Variants in PLCH1 observed in about 807,000 individuals in gnomAD.
The protein encoded by PLCH1 is phospholipase C eta 1.
PLCH1 carries 60 observed loss-of-function variants against 126.7 expected under a neutral mutation model. The ratio of observed to expected loss-of-function variants is 0.47; its 90% CI spans 0.38 to 0.59. The LOEUF (loss-of-function observed/expected upper bound fraction) is 0.59. Among genes scored for constraint, PLCH1 ranks in the 20% least tolerant of loss-of-function variants. The probability of loss-of-function intolerance (pLI) is 0.00; values close to 1 mark genes in which losing one functional copy is unlikely to be tolerated. For missense variants in PLCH1, 1,723 were observed against 2,040.0 expected, an observed-to-expected ratio of 0.84 and a Z score of 2.99; for synonymous variants, 719 against 734.9, an observed-to-expected ratio of 0.98 and a Z score of 0.35.
At chr3:155,695,388 A>T (rs394419) in intron 2 of PLCH1, among the ~76,000 whole-genome samples, 60,627 of 152,004 alleles carry the variant, frequency 0.4, 12,851 homozygotes, top group African/African-American at 0.53. Flanking sequence ...GGGTTTCCTA[A>T]GGCAAAATTC....
At chr3:155,601,563 C>T (rs1296218174) in intron 2 of PLCH1, among the ~76,000 whole-genome samples, 3 of 151,886 alleles carry the variant, frequency 2.0e-5, no homozygotes, top group South Asian at 4.2e-4. Context: ...TACTATATAT[C>T]ATTTGGAGGA....
chr3:155,520,915 C>T (rs1465407880), intron 11 of PLCH1, among the ~76,000 whole-genome samples: 4 of 152,268 alleles, frequency 2.6e-5, no homozygotes, highest in South Asian at 2.1e-4. Flanking sequence ...TGGCTTAAAC[C>T]GCTAGCTTAA....
intron 10 of PLCH1, among the ~76,000 whole-genome samples, chr3:155,537,207 A>AAAC (rs1723524213): frequency 1.7e-4 from 1 of 5,890 alleles, no homozygotes; most frequent in East Asian, 1.2e-3. Context: ...AAAACCAAAA[A>AAAC]AAAAAAAAAA....
intron 4 of PLCH1, among the ~76,000 whole-genome samples, chr3:155,586,477 C>T (rs1326142469): frequency 6.6e-6 from 1 of 152,096 alleles, no homozygotes; most frequent in Non-Finnish European, 1.5e-5. Context: ...GAGGCTGAGG[C>T]AGGTGGATCA....
Position 155,627,630 on chromosome 3 carries a change from C to T in PLCH1, c.80-31252G>A, listed in dbSNP as rs575508926. On this transcript the variant is annotated intron_variant, in intron 2 of 22. Transcript: ENST00000460012. ...GATTGGACGACAGAGCAAGACTCCA[C>T]CTCAAAAAAAAAAAAACAAATTGAA... Among the ~76,000 whole-genome samples, 1,153 of 131,118 alleles carry T rather than the reference C, an allele frequency of 8.8e-3. 10 individuals carry two copies. Among genetic ancestry groups the T allele is most frequent in the Non-Finnish European group, 0.01 (646 of 63,644 alleles). 86.0% of individuals were successfully genotyped at this position (131,118 alleles called of 152,430 possible).
intron 1 of PLCH1, among the ~76,000 whole-genome samples, chr3:155,717,693 G>A (rs932127138): frequency 6.6e-6 from 1 of 152,218 alleles, no homozygotes; most frequent in African/African-American, 2.4e-5. Context: ...GCAGGGCCCT[G>A]GACCTGGCCC....
chr3:155,460,091 G>A (rs550452362), intron 21 of PLCH1, among the ~76,000 whole-genome samples: 11 of 152,260 alleles, frequency 7.2e-5, no homozygotes, highest in African/African-American at 2.6e-4. Flanking sequence ...CCAGCGTTTT[G>A]ATTTGTACAA....
intron 21 of PLCH1, among the ~76,000 whole-genome samples, chr3:155,468,785 A>G (rs547816750): frequency 5.3e-5 from 8 of 152,224 alleles, no homozygotes; most frequent in Non-Finnish European, 1.2e-4. Flanking sequence ...ATGTTATTAG[A>G]GGTAAAGAGA....
chr3:155,461,712 C>A (rs914501548), intron 21 of PLCH1, among the ~76,000 whole-genome samples: 3 of 152,230 alleles, frequency 2.0e-5, no homozygotes, highest in Non-Finnish European at 4.4e-5. Context: ...AGAAAGGGAC[C>A]ACTACCTCCA....
chr3:155,685,072 G>A (rs1021485744), intron 2 of PLCH1, among the ~76,000 whole-genome samples: 1 of 152,204 alleles, frequency 6.6e-6, no homozygotes, highest in Non-Finnish European at 1.5e-5. Flanking sequence ...CGGACCAGAA[G>A]AGTAGTGAGT....
intron 21 of PLCH1, among the ~76,000 whole-genome samples, chr3:155,469,687 T>G (rs1431730955): frequency 1.3e-5 from 2 of 151,762 alleles, no homozygotes; most frequent in African/African-American, 4.8e-5. Flanking sequence ...TCTGACAGCT[T>G]TGAAGAGAGC....
intron 11 of PLCH1, among the ~76,000 whole-genome samples, chr3:155,519,913 G>A (rs765582711): frequency 6.6e-6 from 1 of 151,592 alleles, no homozygotes; most frequent in African/African-American, 2.4e-5. Context: ...GTGCCTTACT[G>A]CTTTCCAAGC....
At chr3:155,719,051 T>C (rs1224736760) in intron 1 of PLCH1, among the ~76,000 whole-genome samples, 1 of 152,130 alleles carries the variant, frequency 6.6e-6, no homozygotes, top group East Asian at 1.9e-4. Flanking sequence ...AAACAAGTGT[T>C]GTTTGGTTGC....
intron 10 of PLCH1, among the ~76,000 whole-genome samples, chr3:155,540,938 C>T (rs773109097): frequency 6.6e-6 from 1 of 152,132 alleles, no homozygotes; most frequent in Non-Finnish European, 1.5e-5. Context: ...CACTTGTACA[C>T]ATATTTTTAG....
At chr3:155,568,185 C>G in intron 7 of PLCH1, 46 bp downstream of exon 7, 1 of 847,412 alleles carries the variant, frequency 1.2e-6, no homozygotes, top group Non-Finnish European at 2.0e-6. Context: ...TTTAACTTAA[C>G]AGGCTGAATC....
chr3:155,562,711 C>T (rs1312840222), intron 8 of PLCH1, among the ~76,000 whole-genome samples: 1 of 152,170 alleles, frequency 6.6e-6, no homozygotes, highest in East Asian at 1.9e-4. Context: ...GCCCTGTGGC[C>T]AATCTCCACT....
chr3:155,617,834 G>C (rs1589237), intron 2 of PLCH1, among the ~76,000 whole-genome samples: 1 of 151,850 alleles, frequency 6.6e-6, no homozygotes, highest in African/African-American at 2.4e-5. Flanking sequence ...CTGTACAGGA[G>C]TCCTAACCTG....
At chr3:155,534,096 G>A (rs1723038376) in intron 10 of PLCH1, among the ~76,000 whole-genome samples, 1 of 152,334 alleles carries the variant, frequency 6.6e-6, no homozygotes, top group African/African-American at 2.4e-5. Context: ...GCTGTGAAAA[G>A]AGGGCCACCG....
At chr3:155,506,083 C>A (rs1240236696) in intron 12 of PLCH1, among the ~76,000 whole-genome samples, 1 of 151,774 alleles carries the variant, frequency 6.6e-6, no homozygotes, top group Non-Finnish European at 1.5e-5. Context: ...ATATGGTCAC[C>A]CTATTTAGTA....
Sources: allele counts gnomAD v4.1 joint callset (sites outside exome capture counted in the v4.1 genomes callset), GRCh38; gene constraint gnomAD v4.1.1; transcripts MANE v1.5; gene names NCBI Gene and HGNC (gene_info 2026-07-23, HGNC 2026-07-21).